The following PARD3 variants were observed in gnomAD, a reference collection of about 807,000 sequenced individuals.
The protein encoded by PARD3 is partitioning defective 3 homolog.
PARD3 carries 75 observed loss-of-function variants against 155.4 expected under a neutral mutation model. That is an observed-to-expected ratio of 0.48 (90% CI 0.40 to 0.58). The LOEUF (loss-of-function observed/expected upper bound fraction) is 0.58, where lower values mean the gene tolerates loss of function less well. Ranked by LOEUF, PARD3 falls within the 20% of genes least tolerant of loss-of-function variation. The probability of loss-of-function intolerance (pLI) is 0.00; values close to 1 mark genes in which losing one functional copy is unlikely to be tolerated. For synonymous variants in PARD3, 576 were observed against 610.5 expected (o/e 0.94, Z 0.83); for missense variants, 1,642 against 1,721.7 (o/e 0.95, Z 0.82).
chr10:34,623,232 A>G (rs1334197629), intron 2 of PARD3, among the ~76,000 whole-genome samples: 1 of 152,220 alleles, frequency 6.6e-6, no homozygotes, highest in Non-Finnish European at 1.5e-5. Context: ...AAGCCCAGGA[A>G]CACCACCGAA....
In PARD3 at chr10:34,407,846, A is replaced by G. The variant is rs7902036; in HGVS notation, c.715-5929T>C. On this transcript the variant is annotated intron_variant, in intron 5 of 24. Coordinates refer to ENST00000374788, the MANE Select transcript of PARD3 (RefSeq NM_001184785.2). ...GAGTCCTTATGCCTAAAAAAAAAAG[A>G]AAAAAAAAATCCAAAAACTTAAGTG... Among the ~76,000 whole-genome samples the G allele has an allele frequency of 6.6e-4, 20 of 30,424 alleles. 2 individuals are homozygous for G. The South Asian group carries it at 0.015, about 22-fold the overall frequency. The allele number at this position is 30,424 out of a possible 152,430, so 20.0% of individuals were successfully genotyped here.
At chr10:34,122,648 G>T (rs1947069456) in intron 23 of PARD3, among the ~76,000 whole-genome samples, 1 of 152,134 alleles carries the variant, frequency 6.6e-6, no homozygotes. Context: ...TTACCTTTAA[G>T]ATAAAACCCT....
chr10:34,709,573 A>G (rs1404706682), intron 1 of PARD3, among the ~76,000 whole-genome samples: 1 of 151,522 alleles, frequency 6.6e-6, no homozygotes, highest in East Asian at 2.0e-4. Context: ...GGCCACACAC[A>G]GGTTAGCAGT....
intron 2 of PARD3, among the ~76,000 whole-genome samples, chr10:34,635,646 T>C (rs952352529): frequency 4.6e-4 from 70 of 152,238 alleles, no homozygotes; most frequent in Non-Finnish European, 1.8e-4. Context: ...AACTGGTATG[T>C]AGAAAACACT....
intron 4 of PARD3, among the ~76,000 whole-genome samples, chr10:34,467,329 TTGTGTGTGTG>T (rs61218571): frequency 0.026 from 3,790 of 147,088 alleles, 183 homozygotes; most frequent in African/African-American, 0.089. Context: ...TGACTCCAAC[TTGTGTGTGTG>T]TGTGTGTGTG....
At chr10:34,638,695 T>C (rs573271818) in intron 2 of PARD3, among the ~76,000 whole-genome samples, 2 of 152,314 alleles carry the variant, frequency 1.3e-5, no homozygotes, top group African/African-American at 4.8e-5. Flanking sequence ...TTTCCATTTC[T>C]GGGTATTTTG....
chr10:34,605,965 CTATATCTATATCTCCTA>C lies in PARD3; in HGVS notation c.223-88823_223-88807del, dbSNP rs1321346540. The stretch of plus-strand genomic sequence containing the variant: ...TATATCTCCTATATATATATATCTC[CTATATCTATATCTCCTA>C]TATATATATATCTCCTATATATATA... On this transcript the variant is annotated intron_variant, in intron 2 of 24. Transcript: ENST00000374788. Among the ~76,000 whole-genome samples the C allele has an allele frequency of 3.4e-4, 29 of 84,972 alleles. 5 individuals carry two copies. The highest frequency in any genetic ancestry group is 1.2e-3 in the African/African-American group (25 of 21,038). The allele number at this position is 84,972 out of a possible 152,430, so 55.7% of individuals were successfully genotyped here. A position where few individuals can be genotyped will look rare whatever the true frequency, so the allele number is the denominator to read the frequency against.
At chr10:34,205,248 A>G (rs1951414949) in intron 22 of PARD3, among the ~76,000 whole-genome samples, 1 of 152,120 alleles carries the variant, frequency 6.6e-6, no homozygotes, top group Non-Finnish European at 1.5e-5. Flanking sequence ...ATCAGCAGGA[A>G]ATGAGATCTT....
At chr10:34,454,617 C>CA (rs34385149) in intron 4 of PARD3, among the ~76,000 whole-genome samples, 42 of 150,622 alleles carry the variant, frequency 2.8e-4, no homozygotes, top group Middle Eastern at 6.8e-3. Context: ...AAAGATTATA[C>CA]AAAAAAAAAT....
chr10:34,305,619 T>C (rs1485514776), intron 20 of PARD3, among the ~76,000 whole-genome samples: 1 of 152,228 alleles, frequency 6.6e-6, no homozygotes, highest in African/African-American at 2.4e-5. Flanking sequence ...AAACAGGGAA[T>C]TTCCCAACAT....
chr10:34,310,049 G>T (rs1957623411), intron 20 of PARD3, among the ~76,000 whole-genome samples: 1 of 152,066 alleles, frequency 6.6e-6, no homozygotes, highest in Non-Finnish European at 1.5e-5. Flanking sequence ...GCTCAATTAG[G>T]AAAGAGATCC....
At chr10:34,498,821 T>C (rs1225733272) in intron 3 of PARD3, among the ~76,000 whole-genome samples, 1 of 152,118 alleles carries the variant, frequency 6.6e-6, no homozygotes, top group Non-Finnish European at 1.5e-5. Flanking sequence ...CCTACATTAA[T>C]ACTCAATTTC....
intron 1 of PARD3, among the ~76,000 whole-genome samples, chr10:34,761,289 T>C (rs1837410300): frequency 1.3e-5 from 2 of 152,088 alleles, no homozygotes; most frequent in Admixed American, 6.5e-5. Context: ...CGTGTACCCA[T>C]AGTCCCAGCT....
At chr10:34,754,969 G>A (rs1836521850) in intron 1 of PARD3, among the ~76,000 whole-genome samples, 2 of 152,208 alleles carry the variant, frequency 1.3e-5, no homozygotes, top group Admixed American at 1.3e-4. Context: ...CGTGTAAGAA[G>A]TCCTTAAAGC....
At chr10:34,741,587 C>G (rs1477232629) in intron 1 of PARD3, among the ~76,000 whole-genome samples, 1 of 152,188 alleles carries the variant, frequency 6.6e-6, no homozygotes, top group East Asian at 1.9e-4. Flanking sequence ...GAAGCGACAG[C>G]CCCTGTGCAG....
chr10:34,795,711 A>G (rs1842175803), intron 1 of PARD3, among the ~76,000 whole-genome samples: 2 of 152,130 alleles, frequency 1.3e-5, no homozygotes, highest in Non-Finnish European at 2.9e-5. Context: ...CCTGACCAAC[A>G]TGGAGAAACT....
intron 2 of PARD3, among the ~76,000 whole-genome samples, chr10:34,539,576 G>A (rs1433407357): frequency 2.0e-5 from 3 of 152,164 alleles, no homozygotes; most frequent in South Asian, 4.1e-4. Context: ...AGGGAGAATC[G>A]CTTGAACCTG....
intron 4 of PARD3, among the ~76,000 whole-genome samples, chr10:34,460,417 C>T (rs932253204): frequency 1.3e-5 from 2 of 152,130 alleles, no homozygotes. Context: ...GAGAATTCAG[C>T]ACATTTATAT....
intron 2 of PARD3, among the ~76,000 whole-genome samples, chr10:34,579,595 T>TG (rs1590094034): frequency 1.3e-5 from 2 of 150,724 alleles, no homozygotes; most frequent in Admixed American, 6.6e-5. Context: ...TGTGTGTGTG[T>TG]TTTGACACGG....
Sources: allele counts gnomAD v4.1 joint callset (sites outside exome capture counted in the v4.1 genomes callset), GRCh38; gene constraint gnomAD v4.1.1; transcripts MANE v1.5; gene names NCBI Gene and HGNC (gene_info 2026-07-23, HGNC 2026-07-21).